The following PTPRT variants were observed in gnomAD, a reference collection of about 807,000 sequenced individuals.
PTPRT encodes protein tyrosine phosphatase receptor type T.
PTPRT carries 56 observed loss-of-function variants against 176.8 expected under a neutral mutation model. The ratio of observed to expected loss-of-function variants is 0.32; its 90% CI spans 0.26 to 0.40. PTPRT has a LOEUF of 0.40. Among genes scored for constraint, PTPRT ranks in the 10% least tolerant of loss-of-function variants. The pLI, the probability that PTPRT is intolerant of heterozygous loss-of-function variation, is 1.00. For synonymous variants in PTPRT, 783 were observed against 739.0 expected (o/e 1.06, Z -0.96); for missense variants, 1,540 against 1,908.2 (o/e 0.81, Z 3.60).
At chr20:42,781,983 TTGAG>T (rs2077221911) in intron 3 of PTPRT, among the ~76,000 whole-genome samples, 1 of 152,186 alleles carries the variant, frequency 6.6e-6, no homozygotes, top group African/African-American at 2.4e-5. Context: ...GTCTACCTCA[TTGAG>T]TGATTTTTTA....
At chr20:42,168,520 G>T (rs1989930949) in intron 16 of PTPRT, among the ~76,000 whole-genome samples, 1 of 152,156 alleles carries the variant, frequency 6.6e-6, no homozygotes, top group South Asian at 2.1e-4. Context: ...TGAAATCTAA[G>T]TCTATCCACT....
At position 43,061,941 on chromosome 20, in the gene PTPRT, T is replaced by G. The variant is rs546088424; in HGVS notation, c.88+127705A>C. On this transcript the variant is annotated intron_variant, in intron 1 of 30. Transcript: ENST00000373187. The stretch of plus-strand genomic sequence containing the variant: ...GTGGAGTTTTGAAGGAACAATTGAC[T>G]GATACAACAATGGGTGAAGCTTAAA... Among the ~76,000 whole-genome samples, 262 of 152,324 alleles carry G rather than the reference T, an allele frequency of 1.7e-3. 2 individuals are homozygous for G. The highest frequency in any genetic ancestry group is 7.9e-3 in the South Asian group (38 of 4,828).
At chr20:42,604,661 C>T (rs376888916) in intron 7 of PTPRT, among the ~76,000 whole-genome samples, 3 of 152,154 alleles carry the variant, frequency 2.0e-5, no homozygotes, top group Non-Finnish European at 2.9e-5. Flanking sequence ...GAGATGCTTG[C>T]ACCCCAAGAG....
chr20:42,425,290 G>T (rs901213704), intron 9 of PTPRT, among the ~76,000 whole-genome samples: 10 of 152,146 alleles, frequency 6.6e-5, no homozygotes, highest in Non-Finnish European at 2.9e-5. Flanking sequence ...TACATGAGGG[G>T]GGTGCATAAA....
intron 7 of PTPRT, among the ~76,000 whole-genome samples, chr20:42,611,625 C>T (rs981233863): frequency 6.6e-6 from 1 of 152,174 alleles, no homozygotes; most frequent in Non-Finnish European, 1.5e-5. Flanking sequence ...CTTTGTGTTC[C>T]ACGTGTGACT....
chr20:42,055,208 A>AT, the PTPRT span, among the ~76,000 whole-genome samples: 1 of 152,102 alleles, frequency 6.6e-6, no homozygotes, highest in African/African-American at 2.4e-5. Flanking sequence ...GTCACCTTTT[A>AT]TTTTTTTATG....
intron 7 of PTPRT, among the ~76,000 whole-genome samples, chr20:42,473,163 C>G (rs533451850): frequency 1.3e-5 from 2 of 152,126 alleles, no homozygotes; most frequent in Admixed American, 6.5e-5. Context: ...ATTTCCTAAC[C>G]TCCTACAACA....
At chr20:42,759,575 A>G (rs1367379625) in intron 5 of PTPRT, among the ~76,000 whole-genome samples, 1 of 152,200 alleles carries the variant, frequency 6.6e-6, no homozygotes, top group Non-Finnish European at 1.5e-5. Flanking sequence ...GGAAAGCCCA[A>G]AGTCCTGGGA....
intron 7 of PTPRT, among the ~76,000 whole-genome samples, chr20:42,588,521 A>G (rs1242330341): frequency 6.6e-6 from 1 of 152,188 alleles, no homozygotes; most frequent in South Asian, 2.1e-4. Context: ...GCTATAAGGA[A>G]CACACCATAT....
intron 12 of PTPRT, among the ~76,000 whole-genome samples, chr20:42,312,601 C>G (rs1247231622): frequency 6.6e-6 from 1 of 152,156 alleles, no homozygotes; most frequent in Non-Finnish European, 1.5e-5. Flanking sequence ...CCTGTGAGGT[C>G]AAGTGCACCC....
rs79622329 is a variant in PTPRT at position 42,566,686 on chromosome 20, G to A, written c.1154-94124C>T. ...AGGGCTGCTGTCCACCTAGGTGACC[G>A]AGTGACCAAGTAAAGGACTATTGCT... On this transcript the variant is annotated intron_variant, in intron 7 of 30. Coordinates refer to ENST00000373187, the MANE Select transcript of PTPRT (RefSeq NM_007050.6). 3.0e-3 allele frequency among the ~76,000 whole-genome samples: 459 copies of A among 152,262 alleles called. 1 individual carries two copies. The highest frequency in any genetic ancestry group is 0.01 in the African/African-American group (436 of 41,552).
rs545656956 is a variant in PTPRT, at chr20:42,638,381, G to T, written c.1153+39485C>A. ...TCGAAACATAAAACAGGTGGACATGGGGATGTGTGCTTTTGAAGATACTCA... is the reference window on the plus strand; with the variant it reads ...TCGAAACATAAAACAGGTGGACATGTGGATGTGTGCTTTTGAAGATACTCA... On this transcript the variant is annotated intron_variant, in intron 7 of 30. Coordinates refer to ENST00000373187, the MANE Select transcript of PTPRT (RefSeq NM_007050.6). 1.2e-4 allele frequency among the ~76,000 whole-genome samples: 19 copies of T among 152,154 alleles called. 1 individual carries two copies. The South Asian group carries it at 3.9e-3, about 32-fold the overall frequency.
intron 7 of PTPRT, among the ~76,000 whole-genome samples, chr20:42,536,132 T>A (rs933322375): frequency 1.3e-5 from 2 of 152,054 alleles, no homozygotes; most frequent in South Asian, 4.1e-4. Context: ...GGACAGAAAC[T>A]TGAGTGTCCC....
rs555970298 is a variant in PTPRT, at chr20:42,288,482, C to T, written c.2140-5957G>A. On this transcript the variant is annotated intron_variant, in intron 12 of 30. Coordinates refer to ENST00000373187, the MANE Select transcript of PTPRT (RefSeq NM_007050.6). ...AAGAGTGAACAAATGAACATAGTAC[C>T]CAATATGTAGTTTTTCAGCCCTTGC... is the stretch of plus-strand genomic sequence containing the variant. Among the ~76,000 whole-genome samples the T allele has an allele frequency of 9.9e-5, 15 of 151,896 alleles. No individual in the cohort carries two copies. The South Asian group carries it at 3.1e-3, about 32-fold the overall frequency.
At chr20:42,749,921 A>G (rs2076746282) in intron 6 of PTPRT, among the ~76,000 whole-genome samples, 1 of 152,210 alleles carries the variant, frequency 6.6e-6, no homozygotes, top group South Asian at 2.1e-4. Context: ...GTGTGCTTCC[A>G]AAACAGGGAC....
At chr20:43,055,098 A>C (rs980073764) in intron 1 of PTPRT, among the ~76,000 whole-genome samples, 1 of 152,216 alleles carries the variant, frequency 6.6e-6, no homozygotes, top group Non-Finnish European at 1.5e-5. Flanking sequence ...AATTTTATTA[A>C]TATACTTTTC....
chr20:42,646,870 A>ACCTAAGAC (rs2074913511), intron 7 of PTPRT, among the ~76,000 whole-genome samples: 3 of 136,908 alleles, frequency 2.2e-5, no homozygotes, highest in Non-Finnish European at 3.1e-5. Context: ...AGAGATCCCA[A>ACCTAAGAC]CCTAAGACAG....
chr20:42,110,552 T>G (rs2146293399), intron 22 of PTPRT, 65 bp from the exon 23 acceptor site: 1 of 1,519,238 alleles, frequency 6.6e-7, no homozygotes, highest in Non-Finnish European at 8.9e-7. Context: ...CAGCAACACG[T>G]GGAGCCATAG....
chr20:42,064,501 G>A, the PTPRT span, among the ~76,000 whole-genome samples: 52 of 152,160 alleles, frequency 3.4e-4, no homozygotes, highest in African/African-American at 1.1e-3. Context: ...TGCTGCTATT[G>A]TGAGTGTAAT....
Sources: gnomAD v4.1 joint callset for allele counts (sites outside exome capture counted in the v4.1 genomes callset) on GRCh38, gnomAD v4.1.1 for gene constraint, MANE v1.5 for transcripts, NCBI Gene and HGNC (gene_info 2026-07-23, HGNC 2026-07-21) for gene names.